Variants in RAD23B observed in about 807,000 individuals in gnomAD.
RAD23B encodes lysine-specific demethylase RAD23B.
In RAD23B, 5 loss-of-function variants were observed where a neutral mutation model predicts 49.1. The ratio of observed to expected loss-of-function variants is 0.10; its 90% CI spans 0.05 to 0.21. The LOEUF (loss-of-function observed/expected upper bound fraction) is 0.21. Among genes scored for constraint, RAD23B ranks in the 10% least tolerant of loss-of-function variants. The pLI, the probability that RAD23B is intolerant of heterozygous loss-of-function variation, is 1.00. For synonymous variants in RAD23B, 184 were observed against 165.4 expected (o/e 1.11, Z -0.86); for missense variants, 356 against 486.7 (o/e 0.73, Z 2.53).
rs903230511 is a variant in RAD23B, at chr9:107,311,688, G to T, written c.504G>T (p.Ser168=). The T allele has an allele frequency of 3.2e-6, 5 of 1,568,404 alleles. No individual in the cohort carries two copies. Among genetic ancestry groups the T allele is most frequent in the Admixed American group, 4.1e-5 (2 of 48,616 alleles). ...ATSPTATDST[S]GDSSRSNLFE... ...TTCTAAAATCCTTTTGTAGTACATCGGGTGATTCTTCTCGGTCAAACCTTT... is the reference window on the plus strand; with the variant it reads ...TTCTAAAATCCTTTTGTAGTACATCTGGTGATTCTTCTCGGTCAAACCTTT... The change falls in exon 5 of 10, where the codon TCG becomes TCT. Residue 168 remains serine, a synonymous_variant. Transcript: ENST00000358015.
rs922886223 is a variant in RAD23B, at chr9:107,283,687, G to A, written c.58G>A (p.Glu20Lys). The A allele has an allele frequency of 6.1e-6, 9 of 1,471,494 alleles. No homozygotes were observed. The highest frequency in any genetic ancestry group is 2.6e-5 in the South Asian group (2 of 77,520). The allele number at this position is 1,471,494 out of a possible 1,614,324, so 91.2% of individuals were successfully genotyped here. Residue 20 changes from glutamate (E) to lysine (K), a missense_variant, in exon 1 of 10, where the codon GAG becomes AAG. Around this residue, in one of 5 missense-constraint regions of RAD23B, gnomAD observed 31 missense variants for 23.5 expected, o/e 1.32. Coordinates refer to ENST00000358015, the MANE Select transcript of RAD23B (RefSeq NM_002874.5). ...QQTFKIDIDPEETVKALKEKI... is the reference protein window; with the variant it reads ...QQTFKIDIDPKETVKALKEKI... ...GACCTTCAAGATAGACATTGACCCC[G>A]AGGAGACGGTATGCGCGCGGGCCGG...
In RAD23B at chr9:107,331,845, T is replaced by G. The variant is rs917697537; in HGVS notation, c.*2189T>G. The G allele has an allele frequency of 1.8e-5, 11 of 612,066 alleles. No individual in the cohort carries two copies. The highest frequency in any genetic ancestry group is 3.0e-5 in the Non-Finnish European group (10 of 337,032). The allele number at this position is 612,066 out of a possible 1,614,324, so 37.9% of individuals were successfully genotyped here. ...CCATACAGTACCTTGTTTATCTGCTTCTTAAAGAATCAGCCGAGACACCAT... is the reference window on the plus strand; with the variant it reads ...CCATACAGTACCTTGTTTATCTGCTGCTTAAAGAATCAGCCGAGACACCAT... On this transcript the variant is annotated 3_prime_UTR_variant, in exon 10 of 10. Coordinates refer to ENST00000358015, the MANE Select transcript of RAD23B (RefSeq NM_002874.5).
Position 107,311,665 on chromosome 9 carries a change from C to T in RAD23B, c.498-17C>T, listed in dbSNP as rs571290306. 377 of 1,558,548 alleles carry T rather than the reference C, an allele frequency of 2.4e-4. No homozygotes were observed. Among genetic ancestry groups the T allele is most frequent in the Admixed American group, 4.1e-4 (20 of 48,912 alleles). ...ATATACTTTTTAAAATGTGATTTTT[C>T]TAAAATCCTTTTGTAGTACATCGGG... On this transcript the variant is annotated splice_polypyrimidine_tract_variant and intron_variant, in intron 4 of 9. Transcript: ENST00000358015.
At chr9:107,293,352 G>T (rs976080549) in intron 1 of RAD23B, among the ~76,000 whole-genome samples, 1 of 152,162 alleles carries the variant, frequency 6.6e-6, no homozygotes, top group Non-Finnish European at 1.5e-5. Context: ...GTCATTGGGG[G>T]CCATCTTGGG....
chr9:107,298,927 T>G (rs1201247654), intron 1 of RAD23B, among the ~76,000 whole-genome samples: 1 of 152,096 alleles, frequency 6.6e-6, no homozygotes, highest in Non-Finnish European at 1.5e-5. Flanking sequence ...GATTTCTACT[T>G]TGGGGAACAT....
chr9:107,285,159 G>A (rs1032198665), intron 1 of RAD23B, among the ~76,000 whole-genome samples: 1 of 152,324 alleles, frequency 6.6e-6, no homozygotes, highest in East Asian at 1.9e-4. Flanking sequence ...TTATACATGA[G>A]AAACTTTTCA....
chr9:107,288,447 T>C (rs1252856344), intron 1 of RAD23B, among the ~76,000 whole-genome samples: 3 of 152,002 alleles, frequency 2.0e-5, no homozygotes, highest in Non-Finnish European at 4.4e-5. Flanking sequence ...TTTTTGTTGT[T>C]GTTTTGTTTT....
At chr9:107,301,442 C>T (rs1036718714) in intron 2 of RAD23B, among the ~76,000 whole-genome samples, 8 of 152,108 alleles carry the variant, frequency 5.3e-5, no homozygotes, top group Non-Finnish European at 7.3e-5. Flanking sequence ...TTTCCTTGCC[C>T]AGTAAGTCTT....
chr9:107,306,822 A>T (rs573424920), intron 4 of RAD23B, among the ~76,000 whole-genome samples, 175 bp downstream of exon 4: 2 of 152,192 alleles, frequency 1.3e-5, no homozygotes, highest in African/African-American at 4.8e-5. Flanking sequence ...TAAGGAGAAT[A>T]TAAGTACAAA....
intron 4 of RAD23B, 56 bp downstream of exon 4, chr9:107,306,703 C>T (rs980661250): frequency 6.5e-6 from 10 of 1,529,294 alleles, no homozygotes; most frequent in African/African-American, 2.8e-5. Context: ...ACAGGAACTT[C>T]ATGCATTTAT....
intron 1 of RAD23B, among the ~76,000 whole-genome samples, chr9:107,287,886 G>C (rs1833307134): frequency 2.0e-5 from 3 of 150,190 alleles, no homozygotes; most frequent in Admixed American, 2.0e-4. Flanking sequence ...TTTAGTACTT[G>C]CTCTGTATTA....
chr9:107,299,222 C>G (rs1398488998), intron 1 of RAD23B, among the ~76,000 whole-genome samples: 10 of 152,108 alleles, frequency 6.6e-5, no homozygotes, highest in Admixed American at 6.6e-4. Context: ...ATTTGTATCC[C>G]TTTCTGTCTA....
chr9:107,291,417 CAT>C (rs1418804068), intron 1 of RAD23B, among the ~76,000 whole-genome samples: 1 of 152,106 alleles, frequency 6.6e-6, no homozygotes, highest in African/African-American at 2.4e-5. Context: ...GATTTCAAAT[CAT>C]ATATTTAAAA....
At position 107,330,603 on chromosome 9, in the gene RAD23B, A is replaced by C. The variant is rs2133103916; in HGVS notation, c.*947A>C. ...GAGTCAAACTGCTGCCTTTTAAAAA[A>C]CCCACAAAATGCTGATTCAGTTCAA... is the stretch of plus-strand genomic sequence containing the variant. On this transcript the variant is annotated 3_prime_UTR_variant, in exon 10 of 10. Coordinates refer to ENST00000358015, the MANE Select transcript of RAD23B (RefSeq NM_002874.5). This position sits in a 1 kb window ranked among gnomAD's most constrained non-coding sequence, Gnocchi z 4.4. The C allele has an allele frequency of 6.5e-6, 1 of 152,720 alleles. No individual in the cohort carries two copies. The highest frequency in any genetic ancestry group is 1.9e-4 in the East Asian group (1 of 5,184). 9.5% of individuals were successfully genotyped at this position (152,720 alleles called of 1,614,324 possible). A position where few individuals can be genotyped will look rare whatever the true frequency, so the allele number is the denominator to read the frequency against.
intron 4 of RAD23B, among the ~76,000 whole-genome samples, chr9:107,311,317 C>T (rs1370842808): frequency 1.3e-5 from 2 of 152,072 alleles, no homozygotes; most frequent in African/African-American, 4.8e-5. Context: ...GATATTTCTT[C>T]TGGTGTGACT....
At chr9:107,311,872 AT>A (rs1826895958) in intron 5 of RAD23B, 135 bp downstream of exon 5, 1 of 652,764 alleles carries the variant, frequency 1.5e-6, no homozygotes, top group Non-Finnish European at 2.5e-6. Context: ...GATTTAGGTA[AT>A]TATTCAATTA....
intron 1 of RAD23B, among the ~76,000 whole-genome samples, chr9:107,299,786 C>T (rs1564243163): frequency 6.6e-6 from 1 of 152,040 alleles, no homozygotes; most frequent in South Asian, 2.1e-4. Flanking sequence ...TGTTTTATTT[C>T]TTAGATTTTT....
rs1051383347 is a variant in RAD23B, at chr9:107,318,136, G to A, written c.554-616G>A. The stretch of plus-strand genomic sequence containing the variant: ...ATATGAGTTTCCTGTTGCTACTGTA[G>A]TAAGTTACCACAAACTTATTGGTGT... On this transcript the variant is annotated intron_variant, in intron 5 of 9. Transcript: ENST00000358015. The surrounding 1 kb of genome is among the most constrained non-coding windows in gnomAD (Gnocchi z 4.3). 1.3e-5 allele frequency among the ~76,000 whole-genome samples: 2 copies of A among 152,104 alleles called. No individual in the cohort carries two copies. The highest frequency in any genetic ancestry group is 4.8e-5 in the African/African-American group (2 of 41,408).
chr9:107,299,843 G>A (rs1212759754), intron 1 of RAD23B, among the ~76,000 whole-genome samples: 1 of 152,098 alleles, frequency 6.6e-6, no homozygotes, highest in Non-Finnish European at 1.5e-5. Flanking sequence ...ATAAACCCAT[G>A]AACAGTATAT....
Sources: gnomAD v4.1 joint callset for allele counts (sites outside exome capture counted in the v4.1 genomes callset) on GRCh38, gnomAD v4.1.1 for gene constraint, gnomAD v4.1.1 regional missense constraint, Gnocchi (gnomAD v3.1) non-coding constraint, MANE v1.5 for transcripts, NCBI Gene and HGNC (gene_info 2026-07-23, HGNC 2026-07-21) for gene names.